FLNA: variants seen among roughly 807,000 people sequenced by gnomAD.
FLNA encodes the protein filamin-A.
In FLNA, 7 loss-of-function variants were observed where a neutral mutation model predicts 157.6. The observed-to-expected ratio is 0.04, with a 90% CI of 0.03 to 0.08. The LOEUF (loss-of-function observed/expected upper bound fraction) is 0.08. FLNA is among the 10% of genes least tolerant of loss of function. FLNA has a pLI of 1.00. For missense variants in FLNA, 1,750 were observed against 2,398.4 expected (o/e 0.73, Z 5.65); for synonymous variants, 1,103 against 1,060.8 (o/e 1.04, Z -0.77).
intron 43 of FLNA, 47 bp downstream of exon 43, chrX:154,351,534 G>T: frequency 1.1e-6 from 1 of 914,461 alleles, no homozygotes; most frequent in Non-Finnish European, 1.6e-6. Context: ...GCTCTGGTCT[G>T]TCCGGGCCCA....
Position 154,371,334 on chromosome X carries a change from G to A in FLNA, c.-89C>T, listed in dbSNP as rs1178184484. The A allele has an allele frequency of 5.5e-6, 6 of 1,091,039 alleles. No individual in the cohort carries two copies. Among genetic ancestry groups the A allele is most frequent in the Non-Finnish European group, 7.4e-6 (6 of 814,821 alleles). 89.9% of individuals were successfully genotyped at this position (1,091,039 alleles called of 1,213,427 possible). On this transcript the variant is annotated 5_prime_UTR_variant, in exon 2 of 48. Coordinates refer to ENST00000369850, the MANE Select transcript of FLNA (RefSeq NM_001110556.2). ...AAAGTCGCAGGCACCTAGGCGCGCG[G>A]GAGGCGAGGCAGGGAGCAGAGGTTG...
rs781842942 is a variant in FLNA at position 154,360,425 on chromosome X, C to T, written c.3370G>A (p.Val1124Met). 5.8e-6 allele frequency: 7 copies of T among 1,211,479 alleles called. No homozygotes were observed. Among genetic ancestry groups the T allele is most frequent in the East Asian group, 3.0e-5 (1 of 33,851 alleles). The change falls in exon 22 of 48, where the codon GTG becomes ATG. Residue 1124 changes from valine (V) to methionine (M), a missense_variant. Val to Met is a conservative substitution (Grantham distance 21). Around this residue, in one of 5 missense-constraint regions of FLNA, gnomAD observed 648 missense variants for 805.8 expected, o/e 0.80. Coordinates refer to ENST00000369850, the MANE Select transcript of FLNA (RefSeq NM_001110556.2). ...CLDNGDGTCS[V>M]SYVPTEPGDY... ...CCGGGCTCGGTGGGCACGTAGGACA[C>T]GGAACATGTGCCATCCCCATTGTCC...
rs189155249 is a variant in FLNA, at chrX:154,372,252, C to T, written c.-116-891G>A. ...CGTGTGCCCGCCTAACCCTTCATGCCAGTTCACCCGGGGCACTGGGGGGAG... is the reference window on the plus strand; with the variant it reads ...CGTGTGCCCGCCTAACCCTTCATGCTAGTTCACCCGGGGCACTGGGGGGAG... On this transcript the variant is annotated intron_variant, in intron 1 of 47. Transcript: ENST00000369850. Among the ~76,000 whole-genome samples, 1,072 of 113,348 alleles carry T rather than the reference C, an allele frequency of 9.5e-3. 10 individuals carry two copies. Among genetic ancestry groups the T allele is most frequent in the African/African-American group, 0.033 (1,032 of 31,287 alleles).
intron 16 of FLNA, 35 bp from the exon 17 acceptor site, chrX:154,362,613 G>A (rs782530514): frequency 3.3e-6 from 4 of 1,209,138 alleles, no homozygotes; most frequent in Admixed American, 2.2e-5. Context: ...CTGAGACCTC[G>A]CAGGGACACC....
chrX:154,374,244 C>A (rs2067827139), intron 1 of FLNA, among the ~76,000 whole-genome samples: 1 of 112,711 alleles, frequency 8.9e-6, no homozygotes, highest in South Asian at 3.6e-4. Context: ...CTCTCGGGGA[C>A]CCCCCATGGC....
At chrX:154,363,483 G>A (rs1169187915) in intron 15 of FLNA, among the ~76,000 whole-genome samples, 1 of 109,868 alleles carries the variant, frequency 9.1e-6, no homozygotes, top group Non-Finnish European at 1.9e-5. Flanking sequence ...GGGAGGCCGA[G>A]GTGGGCAGAT....
At position 154,364,097 on chromosome X, in the gene FLNA, G is replaced by A. The variant is rs782551055; in HGVS notation, c.2205C>T (p.Tyr735=). Residue 735 remains tyrosine (Y), a synonymous_variant, in exon 15 of 48, where the codon TAC becomes TAT. Coordinates refer to ENST00000369850, the MANE Select transcript of FLNA (RefSeq NM_001110556.2). ...DNGNGTYSCS[Y]VPRKPVKHTA... is the part of the protein sequence containing the mutation. ...TGTGCTTCACCGGCTTCCTGGGCAC[G>A]TAGGAGCAGCTGTAAGTGCCATTGC... 5.4e-5 allele frequency: 65 copies of A among 1,208,763 alleles called. No individual in the cohort carries two copies. The highest frequency in any genetic ancestry group is 8.7e-5 in the Admixed American group (4 of 45,867).
chrX:154,369,945 G>A (rs933211596), intron 2 of FLNA, among the ~76,000 whole-genome samples: 1 of 112,069 alleles, frequency 8.9e-6, no homozygotes, highest in African/African-American at 3.2e-5. Flanking sequence ...TTCTGAAGAA[G>A]AGAAGACTCA....
intron 44 of FLNA, 43 bp from the exon 45 acceptor site, chrX:154,350,250 C>T: frequency 8.9e-7 from 1 of 1,127,130 alleles, no homozygotes; most frequent in Non-Finnish European, 1.2e-6. Context: ...GGCCCCTCCT[C>T]AAACCAGCAG....
rs782374899 is a variant in FLNA at position 154,366,238 on chromosome X, C to T, written c.1229-14G>A. 2.2e-5 allele frequency: 27 copies of T among 1,209,611 alleles called. No homozygotes were observed. The highest frequency in any genetic ancestry group is 3.0e-5 in the East Asian group (1 of 33,758). On this transcript the variant is annotated splice_polypyrimidine_tract_variant and intron_variant, in intron 8 of 47. Transcript: ENST00000369850. ...CCGTGCCAGCTCCTGCCACGAGGCA[C>T]CTGCTCAGCTCCCAGGCCCCAGTGC... is the stretch of plus-strand genomic sequence containing the variant.
Position 154,351,059 on chromosome X carries a change from A to G in FLNA, c.7024-18T>C. 8.3e-7 allele frequency: 1 copy of G among 1,210,316 alleles called. No homozygotes were observed. The highest frequency in any genetic ancestry group is 1.1e-6 in the Non-Finnish European group (1 of 894,496). ...CCTGACTCCTGGAAGCACAGCAGAC[A>G]TGGTTAGATGGGGGTGCTTGAGCCA... On this transcript the variant is annotated intron_variant, in intron 43 of 47. Coordinates refer to ENST00000369850, the MANE Select transcript of FLNA (RefSeq NM_001110556.2).
At chrX:154,361,907 C>T in intron 19 of FLNA, 72 bp downstream of exon 19, 1 of 1,150,456 alleles carries the variant, frequency 8.7e-7, no homozygotes. Context: ...CAGAAAGTCC[C>T]TCGGAGCTGT....
rs1557179032 is a variant in FLNA at position 154,365,544 on chromosome X, C to A, written c.1430-58G>T. ...GCTCGGCTGGGCGACCCCTCCCTTG[C>A]CTCCCACAGGGCCGGGCTGTCAGGA... On this transcript the variant is annotated intron_variant, in intron 9 of 47. Coordinates refer to ENST00000369850, the MANE Select transcript of FLNA (RefSeq NM_001110556.2). 5.1e-6 allele frequency: 6 copies of A among 1,179,723 alleles called. No homozygotes were observed. The Admixed American group carries it at 1.4e-4, about 27-fold the overall frequency.
At chrX:154,372,949 A>G (rs782614536) in intron 1 of FLNA, among the ~76,000 whole-genome samples, 8 of 111,795 alleles carry the variant, frequency 7.2e-5, no homozygotes, top group Non-Finnish European at 1.5e-4. Flanking sequence ...CTGTGGCCCC[A>G]CTGGTTTTTC....
At position 154,348,959 on chromosome X, in the gene FLNA, G is replaced by A. The variant is rs781864075; in HGVS notation, c.7834C>T (p.Arg2612Trp). ...AGCAGGTAGGACACGCTGTAGAGCC[G>A]GCTGCCCACGTGCTTCACCAGGATC... is the stretch of plus-strand genomic sequence containing the variant. ...EEILVKHVGSRLYSVSYLLKD... is the reference protein window; with the variant it reads ...EEILVKHVGSWLYSVSYLLKD... Residue 2612 changes from arginine to tryptophan, a missense_variant, in exon 48 of 48, where the codon CGG (arginine) becomes TGG (tryptophan). Transcript: ENST00000369850. 1.9e-5 allele frequency: 23 copies of A among 1,209,599 alleles called. No homozygotes were observed. The highest frequency in any genetic ancestry group is 2.3e-4 in the Middle Eastern group (1 of 4,368).
chrX:154,366,972 C>A, intron 5 of FLNA, 122 bp from the exon 6 acceptor site: 1 of 576,476 alleles, frequency 1.7e-6, no homozygotes, highest in East Asian at 3.4e-5. Context: ...CAAGTTCATT[C>A]AGTGTGAGCT....
intron 26 of FLNA, 118 bp from the exon 27 acceptor site, chrX:154,358,686 C>T: frequency 3.2e-6 from 3 of 951,229 alleles, no homozygotes; most frequent in Middle Eastern, 3.6e-4. Flanking sequence ...TCCTCATCCA[C>T]CCGACCCTGG....
At chrX:154,371,709 G>T (rs2067810194) in intron 1 of FLNA, among the ~76,000 whole-genome samples, 1 of 112,976 alleles carries the variant, frequency 8.9e-6, no homozygotes, top group Non-Finnish European at 1.9e-5. Flanking sequence ...CTTCCCCAGG[G>T]CCCCTGCGGG....
intron 2 of FLNA, among the ~76,000 whole-genome samples, chrX:154,368,708 G>A (rs991369610): frequency 2.7e-5 from 3 of 113,001 alleles, no homozygotes; most frequent in Admixed American, 9.3e-5. Flanking sequence ...CTACCACCTC[G>A]AAGACTCAAG....
Sources: allele counts gnomAD v4.1 joint callset (sites outside exome capture counted in the v4.1 genomes callset), GRCh38; gene constraint gnomAD v4.1.1; regional missense constraint gnomAD v4.1.1; transcripts MANE v1.5; gene names NCBI Gene and HGNC (gene_info 2026-07-23, HGNC 2026-07-21).